The following CLVS1 variants were observed in gnomAD, a reference collection of about 807,000 sequenced individuals.
CLVS1 encodes clavesin-1.
CLVS1 carries 10 observed loss-of-function variants against 33.1 expected under a neutral mutation model. That is an observed-to-expected ratio of 0.30 (90% confidence interval 0.19 to 0.51). The LOEUF is 0.51. Ranked by LOEUF, CLVS1 falls within the 20% of genes least tolerant of loss-of-function variation. CLVS1 has a pLI of 0.97. For missense variants in CLVS1, 343 were observed against 433.4 expected, an observed-to-expected ratio of 0.79 and a Z score of 1.85; for synonymous variants, 163 against 166.1, an observed-to-expected ratio of 0.98 and a Z score of 0.14.
chr8:61,170,111 A>T (rs1806962980), intron 2 of CLVS1, among the ~76,000 whole-genome samples: 1 of 152,160 alleles, frequency 6.6e-6, no homozygotes, highest in Non-Finnish European at 1.5e-5. Context: ...TCATCCCACA[A>T]TCAAGATAAT....
intron 5 of CLVS1, among the ~76,000 whole-genome samples, chr8:61,480,129 A>T (rs1818128414): frequency 1.3e-5 from 2 of 152,206 alleles, no homozygotes; most frequent in African/African-American, 4.8e-5. Context: ...GGGACATTTG[A>T]GTCTGCAGAG....
intron 2 of CLVS1, among the ~76,000 whole-genome samples, chr8:61,163,874 T>C (rs555728659): frequency 3.9e-5 from 6 of 152,270 alleles, no homozygotes; most frequent in African/African-American, 1.4e-4. Flanking sequence ...GTGTCTGCCA[T>C]GGCGGCAAAC....
intron 3 of CLVS1, among the ~76,000 whole-genome samples, chr8:61,414,514 T>A (rs1467824414): frequency 1.3e-5 from 2 of 151,986 alleles, no homozygotes; most frequent in Non-Finnish European, 1.5e-5. Flanking sequence ...TAAACAAAGA[T>A]GTATTGTGAC....
At chr8:61,378,172 C>A (rs1813722357) in intron 3 of CLVS1, 1 of 152,196 alleles carries the variant, frequency 6.6e-6, no homozygotes, top group Admixed American at 6.5e-5. Flanking sequence ...GTACAAGCTG[C>A]ATGTAATCTT....
intron 2 of CLVS1, among the ~76,000 whole-genome samples, chr8:61,282,030 A>G (rs1320894660): frequency 5.3e-5 from 8 of 152,174 alleles, no homozygotes; most frequent in African/African-American, 1.9e-4. Flanking sequence ...CACCTCCACC[A>G]TCACCCTAGC....
intron 1 of CLVS1, among the ~76,000 whole-genome samples, chr8:61,068,243 A>G (rs1000788741): frequency 2.0e-5 from 3 of 146,834 alleles, no homozygotes; most frequent in Non-Finnish European, 4.5e-5. Flanking sequence ...ATATATATAT[A>G]TATATGTATA....
At chr8:60,965,477 T>C in the CLVS1 span, 1 of 152,030 alleles carries the variant, frequency 6.6e-6, no homozygotes, top group East Asian at 1.9e-4. Context: ...ACACATGAGC[T>C]CGTGGAGGGC....
At chr8:61,230,782 A>AAATTTATTT (rs1808414887) in intron 2 of CLVS1, among the ~76,000 whole-genome samples, 1 of 152,228 alleles carries the variant, frequency 6.6e-6, no homozygotes, top group African/African-American at 2.4e-5. Context: ...TACAAACAAC[A>AAATTTATTT]GAAATTTATT....
At chr8:61,296,687 T>C (rs942753201) in intron 1 of CLVS1, among the ~76,000 whole-genome samples, 2 of 152,220 alleles carry the variant, frequency 1.3e-5, no homozygotes, top group Non-Finnish European at 2.9e-5. Context: ...CTGGAGGTAC[T>C]GAAACACTTA....
chr8:61,322,377 A>C (rs1811224604), intron 2 of CLVS1, among the ~76,000 whole-genome samples: 1 of 152,184 alleles, frequency 6.6e-6, no homozygotes, highest in Non-Finnish European at 1.5e-5. Flanking sequence ...CACATTGACT[A>C]TAAATTGGTG....
intron 2 of CLVS1, among the ~76,000 whole-genome samples, chr8:61,199,286 C>T (rs971798823): frequency 6.6e-6 from 1 of 152,098 alleles, no homozygotes. Context: ...AAGCTCTGCA[C>T]AGCAGAAGAA....
intron 3 of CLVS1, chr8:61,378,165 C>G (rs1237762728): frequency 6.6e-6 from 1 of 152,184 alleles, no homozygotes; most frequent in East Asian, 1.9e-4. Context: ...AATTTCTGTA[C>G]AAGCTGCATG....
At chr8:61,112,779 T>C (rs2915579) in intron 1 of CLVS1, among the ~76,000 whole-genome samples, 1 of 152,140 alleles carries the variant, frequency 6.6e-6, no homozygotes, top group African/African-American at 2.4e-5. Context: ...GCAGATGACA[T>C]TGCTCTTCTC....
intron 2 of CLVS1, among the ~76,000 whole-genome samples, chr8:61,309,366 T>G (rs1810753276): frequency 6.6e-6 from 1 of 152,176 alleles, no homozygotes; most frequent in Non-Finnish European, 1.5e-5. Context: ...CCTTGTGTGT[T>G]TCCTGAAGGT....
At chr8:61,236,724 C>T (rs1808570470) in intron 2 of CLVS1, among the ~76,000 whole-genome samples, 2 of 152,154 alleles carry the variant, frequency 1.3e-5, no homozygotes, top group African/African-American at 4.8e-5. Flanking sequence ...AGAAGGATTA[C>T]ATGTTTCTAA....
At chr8:61,424,082 G>A (rs1255206713) in intron 3 of CLVS1, among the ~76,000 whole-genome samples, 1 of 152,176 alleles carries the variant, frequency 6.6e-6, no homozygotes, top group Non-Finnish European at 1.5e-5. Context: ...AGGGCCACCT[G>A]TGACATTGCA....
the CLVS1 span, among the ~76,000 whole-genome samples, chr8:60,993,482 T>C: frequency 7.2e-5 from 11 of 152,326 alleles, 1 homozygote; most frequent in African/African-American, 2.6e-4. Context: ...TCGCTTCACC[T>C]CTGTGCCTCA....
At chr8:61,119,562 G>C (rs1158465004) in intron 1 of CLVS1, among the ~76,000 whole-genome samples, 3 of 149,900 alleles carry the variant, frequency 2.0e-5, no homozygotes, top group African/African-American at 7.4e-5. Flanking sequence ...TTTTAGGGCA[G>C]GCCTGGTGGT....
intron 3 of CLVS1, among the ~76,000 whole-genome samples, chr8:61,433,756 A>G (rs981345674): frequency 6.6e-6 from 1 of 151,962 alleles, no homozygotes; most frequent in Non-Finnish European, 1.5e-5. Flanking sequence ...TCTACCAAAA[A>G]TACAAAAATT....
Sources: allele counts gnomAD v4.1 joint callset (sites outside exome capture counted in the v4.1 genomes callset), GRCh38; gene constraint gnomAD v4.1.1; transcripts MANE v1.5; gene names NCBI Gene and HGNC (gene_info 2026-07-23, HGNC 2026-07-21).